Variants in PHIP observed in about 807,000 individuals in gnomAD.
PHIP encodes PH-interacting protein.
PHIP carries 54 observed loss-of-function variants against 236.8 expected under a neutral mutation model. The observed-to-expected ratio is 0.23, with a 90% CI of 0.18 to 0.29. PHIP has a LOEUF of 0.29. Ranked by LOEUF, PHIP falls within the 10% of genes least tolerant of loss-of-function variation. The pLI, the probability that PHIP is intolerant of heterozygous loss-of-function variation, is 1.00. For synonymous variants in PHIP, 756 were observed against 718.9 expected (o/e 1.05, Z -0.83); for missense variants, 1,370 against 2,190.8 (o/e 0.63, Z 7.48).
chr6:79,033,052 TGAAAG>T (rs777846445), intron 7 of PHIP, among the ~76,000 whole-genome samples: 3 of 152,138 alleles, frequency 2.0e-5, no homozygotes, highest in Non-Finnish European at 4.4e-5. Flanking sequence ...AGTAATATCT[TGAAAG>T]GAATCTTTTT....
At chr6:78,949,749 T>C (rs1459335433) in intron 35 of PHIP, among the ~76,000 whole-genome samples, 1 of 151,992 alleles carries the variant, frequency 6.6e-6, no homozygotes, top group East Asian at 1.9e-4. Flanking sequence ...AGTTCAGTGG[T>C]ATCATCTTGG....
intron 20 of PHIP, among the ~76,000 whole-genome samples, chr6:78,989,646 T>C (rs1769088815): frequency 6.6e-6 from 1 of 152,234 alleles, no homozygotes; most frequent in Non-Finnish European, 1.5e-5. Context: ...CACACATACA[T>C]ATATGTATAC....
intron 7 of PHIP, among the ~76,000 whole-genome samples, chr6:79,041,558 G>T (rs1043343154): frequency 6.6e-6 from 1 of 151,926 alleles, no homozygotes; most frequent in South Asian, 2.1e-4. Context: ...GTTTTTGAAA[G>T]AATTCTTTCA....
At chr6:78,946,302 T>C (rs771053990) in intron 37 of PHIP, 42 bp from the exon 38 acceptor site, 41 of 1,547,844 alleles carry the variant, frequency 2.6e-5, no homozygotes, top group Non-Finnish European at 3.5e-5. Flanking sequence ...TATAGCTCTA[T>C]GTGAACGAAT....
intron 19 of PHIP, 37 bp from the exon 20 acceptor site, chr6:78,991,022 T>G: frequency 7.9e-7 from 1 of 1,257,946 alleles, no homozygotes; most frequent in Non-Finnish European, 1.1e-6. Flanking sequence ...ATCTAGAATT[T>G]TACACATAAC....
intron 9 of PHIP, among the ~76,000 whole-genome samples, chr6:79,019,583 T>C (rs1213225864): frequency 6.6e-6 from 1 of 152,116 alleles, no homozygotes; most frequent in Non-Finnish European, 1.5e-5. Flanking sequence ...ATAACTGAAC[T>C]TTTTCAGTAT....
At chr6:79,033,270 T>C (rs1171541494) in intron 7 of PHIP, among the ~76,000 whole-genome samples, 1 of 152,228 alleles carries the variant, frequency 6.6e-6, no homozygotes, top group Non-Finnish European at 1.5e-5. Context: ...GCATCAGCCC[T>C]GAACAAAAGA....
chr6:79,046,996 A>T (rs1284874780), intron 6 of PHIP, among the ~76,000 whole-genome samples: 1 of 152,194 alleles, frequency 6.6e-6, no homozygotes, highest in Non-Finnish European at 1.5e-5. Flanking sequence ...CTGCTAAATG[A>T]ATTTAATTGG....
intron 9 of PHIP, among the ~76,000 whole-genome samples, chr6:79,020,515 T>C (rs1332482165): frequency 1.3e-5 from 2 of 152,226 alleles, no homozygotes; most frequent in African/African-American, 4.8e-5. Context: ...ATTGCTTTCA[T>C]TACTACCTTA....
At chr6:78,957,048 A>G (rs973929816) in intron 32 of PHIP, 1 of 152,090 alleles carries the variant, frequency 6.6e-6, no homozygotes, top group Non-Finnish European at 1.5e-5. Context: ...GTATTTTTAA[A>G]CAAACTATAC....
Position 78,946,305 on chromosome 6 carries a change from G to T in PHIP, c.4371-45C>A. On this transcript the variant is annotated intron_variant, in intron 37 of 39. Transcript: ENST00000275034. Reference sequence around the variant, plus strand: ...GTCAGTCACTCTTATAGCTCTATGTGAACGAATAAAACAGTTTATAATATT... The same window carrying T: ...GTCAGTCACTCTTATAGCTCTATGTTAACGAATAAAACAGTTTATAATATT... The T allele has an allele frequency of 1.9e-6, 3 of 1,540,282 alleles. No individual in the cohort carries two copies. The South Asian group carries it at 3.6e-5, about 19-fold the overall frequency.
intron 7 of PHIP, among the ~76,000 whole-genome samples, chr6:79,036,973 T>G (rs1419432568): frequency 2.0e-5 from 3 of 149,246 alleles, no homozygotes; most frequent in African/African-American, 7.4e-5. Context: ...GATACCCCAT[T>G]ACCTCTAAAT....
chr6:79,054,849 A>T (rs1191146977), intron 6 of PHIP, among the ~76,000 whole-genome samples: 1 of 151,948 alleles, frequency 6.6e-6, no homozygotes, highest in Non-Finnish European at 1.5e-5. Flanking sequence ...CTCTACAAAG[A>T]TTTGCATCTA....
chr6:79,026,577 T>C (rs758835350), intron 7 of PHIP, among the ~76,000 whole-genome samples: 13 of 152,118 alleles, frequency 8.5e-5, no homozygotes, highest in Non-Finnish European at 1.8e-4. Context: ...TGGGGCTTTT[T>C]CTCTCAGGAA....
At chr6:78,973,426 C>G (rs1313019490) in intron 24 of PHIP, among the ~76,000 whole-genome samples, 1 of 145,582 alleles carries the variant, frequency 6.9e-6, no homozygotes, top group Non-Finnish European at 1.5e-5. Flanking sequence ...CAAAATCATG[C>G]CAAAATGTAA....
At chr6:79,005,992 T>C (rs1484852689) in intron 15 of PHIP, among the ~76,000 whole-genome samples, 2 of 152,044 alleles carry the variant, frequency 1.3e-5, no homozygotes, top group Admixed American at 1.3e-4. Context: ...GTGTGTCCTA[T>C]ATAACACATT....
chr6:79,020,703 T>C (rs182575600), intron 9 of PHIP, among the ~76,000 whole-genome samples: 26 of 152,344 alleles, frequency 1.7e-4, no homozygotes, highest in Admixed American at 1.1e-3. Flanking sequence ...TGCACTCCCA[T>C]GTTCGCTACA....
intron 7 of PHIP, among the ~76,000 whole-genome samples, chr6:79,033,096 G>A (rs73764092): frequency 0.021 from 3,227 of 151,900 alleles, 114 homozygotes; most frequent in African/African-American, 0.073. Context: ...TATCAACAGT[G>A]GGCTTAAAAT....
intron 27 of PHIP, among the ~76,000 whole-genome samples, chr6:78,967,226 T>A (rs1767200999): frequency 6.6e-6 from 1 of 152,018 alleles, no homozygotes; most frequent in Non-Finnish European, 1.5e-5. Flanking sequence ...GGAGAAAAGT[T>A]AATAGAACAC....
Sources: allele counts gnomAD v4.1 joint callset (sites outside exome capture counted in the v4.1 genomes callset), GRCh38; gene constraint gnomAD v4.1.1; transcripts MANE v1.5; gene names NCBI Gene and HGNC (gene_info 2026-07-23, HGNC 2026-07-21).